AGAP1: variants seen among roughly 807,000 people sequenced by gnomAD.
AGAP1 encodes ArfGAP with GTPase domain, ankyrin repeat and PH domain 1, also known as arf-GAP with GTPase, ANK repeat and PH domain-containing protein 1.
AGAP1 carries 29 observed loss-of-function variants against 105.3 expected under a neutral mutation model. That is an observed-to-expected ratio of 0.28 (90% confidence interval 0.21 to 0.38). The LOEUF (loss-of-function observed/expected upper bound fraction) is 0.38, where lower values mean the gene tolerates loss of function less well. Ranked by LOEUF, AGAP1 falls within the 10% of genes least tolerant of loss-of-function variation. The probability of loss-of-function intolerance (pLI) is 1.00; values close to 1 mark genes in which losing one functional copy is unlikely to be tolerated. For missense variants in AGAP1, 998 were observed against 1,165.1 expected (o/e 0.86, Z 2.09); for synonymous variants, 509 against 485.9 (o/e 1.05, Z -0.63).
chr2:235,629,313 T>C (rs966870889), intron 1 of AGAP1, among the ~76,000 whole-genome samples: 4 of 138,994 alleles, frequency 2.9e-5, no homozygotes, highest in African/African-American at 1.1e-4. Context: ...TGTGTGTGTG[T>C]GTGTGTATGT....
intron 11 of AGAP1, among the ~76,000 whole-genome samples, chr2:235,925,229 G>C (rs982688259): frequency 3.3e-5 from 5 of 152,176 alleles, no homozygotes; most frequent in Admixed American, 2.0e-4. Flanking sequence ...GTCTACTCCA[G>C]GAAGGAGGGC....
intron 1 of AGAP1, among the ~76,000 whole-genome samples, chr2:235,498,564 A>G (rs1941423009): frequency 6.6e-6 from 1 of 152,180 alleles, no homozygotes; most frequent in South Asian, 2.1e-4. Context: ...GGTTGATGGC[A>G]TTGAGGTAGA....
In AGAP1 at chr2:235,964,994, C is replaced by T. The variant is rs1464069533; in HGVS notation, c.1484-3468C>T. On this transcript the variant is annotated intron_variant, in intron 12 of 17. Coordinates refer to ENST00000304032, the MANE Select transcript of AGAP1 (RefSeq NM_001037131.3). The surrounding 1 kb of genome is among the most constrained non-coding windows in gnomAD (Gnocchi z 4.6). ...TGTCTTATTTAAACCTGCCCGCTCC[C>T]ACCTCTGCAGTTCCACCACAACCAA... 6.6e-6 allele frequency among the ~76,000 whole-genome samples: 1 copy of T among 152,208 alleles called. No homozygotes were observed. Among genetic ancestry groups the T allele is most frequent in the Admixed American group, 6.5e-5 (1 of 15,284 alleles).
At chr2:236,115,546 G>A (rs1369034720) in intron 16 of AGAP1, among the ~76,000 whole-genome samples, 1 of 152,200 alleles carries the variant, frequency 6.6e-6, no homozygotes, top group Non-Finnish European at 1.5e-5. Context: ...CTGGATGGGA[G>A]CATCCACAGG....
rs144885787 is a variant in AGAP1 at position 235,529,578 on chromosome 2, C to T, written c.163+34729C>T. 1.2e-3 allele frequency among the ~76,000 whole-genome samples: 184 copies of T among 152,290 alleles called. 1 individual carries two copies. The highest frequency in any genetic ancestry group is 4.1e-3 in the African/African-American group (171 of 41,550). ...TTAATACAGAATGCTTGACAGCTCA[C>T]GCTCCCCACATCACAAAATCCAGGA... On this transcript the variant is annotated intron_variant, in intron 1 of 17. Coordinates refer to ENST00000304032, the MANE Select transcript of AGAP1 (RefSeq NM_001037131.3).
At chr2:235,540,538 T>C (rs1200785332) in intron 1 of AGAP1, among the ~76,000 whole-genome samples, 1 of 152,228 alleles carries the variant, frequency 6.6e-6, no homozygotes, top group Non-Finnish European at 1.5e-5. Context: ...TTATCAGAGA[T>C]GCAAAATAAA....
chr2:235,695,583 C>T (rs940779862), intron 1 of AGAP1, among the ~76,000 whole-genome samples: 20 of 152,168 alleles, frequency 1.3e-4, no homozygotes, highest in African/African-American at 3.1e-4. Context: ...TTTTCAAGAA[C>T]AGACAGCTTT....
rs1035580289 is a variant in AGAP1 at position 235,872,161 on chromosome 2, A to G, written c.1051-11184A>G. Among the ~76,000 whole-genome samples, 1 of 152,206 alleles carries G rather than the reference A, an allele frequency of 6.6e-6. No individual in the cohort carries two copies. Among genetic ancestry groups the G allele is most frequent in the South Asian group, 2.1e-4 (1 of 4,830 alleles). On this transcript the variant is annotated intron_variant, in intron 9 of 17. Coordinates refer to ENST00000304032, the MANE Select transcript of AGAP1 (RefSeq NM_001037131.3). The surrounding 1 kb of genome is among the most constrained non-coding windows in gnomAD (Gnocchi z 4.5). ...CCTGTCCATGAAATGAGGATAATCA[A>G]TGACCATCTGGTTGTCATGCACTTT...
intron 1 of AGAP1, among the ~76,000 whole-genome samples, chr2:235,505,071 A>G (rs769070186): frequency 2.6e-5 from 4 of 152,130 alleles, no homozygotes; most frequent in South Asian, 2.1e-4. Context: ...AGCAGCCTCA[A>G]TCCATCCCTG....
Position 235,610,507 on chromosome 2 carries a change from C to G in AGAP1, c.164-98672C>G, listed in dbSNP as rs905851584. 6.6e-6 allele frequency among the ~76,000 whole-genome samples: 1 copy of G among 152,164 alleles called. No homozygotes were observed. Among genetic ancestry groups the G allele is most frequent in the Non-Finnish European group, 1.5e-5 (1 of 68,024 alleles). ...ACGTGGTGCAGAGCATGCCAGCTCTCTGCTGTCTCTTTTTCTAAGGGTGCT... is the reference window on the plus strand; with the variant it reads ...ACGTGGTGCAGAGCATGCCAGCTCTGTGCTGTCTCTTTTTCTAAGGGTGCT... On this transcript the variant is annotated intron_variant, in intron 1 of 17. Coordinates refer to ENST00000304032, the MANE Select transcript of AGAP1 (RefSeq NM_001037131.3). This position sits in a 1 kb window ranked among gnomAD's most constrained non-coding sequence, Gnocchi z 4.9.
At chr2:235,703,339 T>G (rs1950350934) in intron 1 of AGAP1, among the ~76,000 whole-genome samples, 1 of 152,148 alleles carries the variant, frequency 6.6e-6, no homozygotes, top group South Asian at 2.1e-4. Flanking sequence ...AGGTAGCATG[T>G]GTGCCTGTCT....
rs1230285645 is a variant in AGAP1 at position 236,096,868 on chromosome 2, C to T, written c.2115-23324C>T. Among the ~76,000 whole-genome samples the T allele has an allele frequency of 3.3e-5, 5 of 152,150 alleles. No individual in the cohort carries two copies. Among genetic ancestry groups the T allele is most frequent in the Non-Finnish European group, 7.3e-5 (5 of 68,036 alleles). ...GTGCTGGGATTACAGGCGTGAGCCACCCTGCCGGGCCAAATGATGCACTTT... is the reference window on the plus strand; with the variant it reads ...GTGCTGGGATTACAGGCGTGAGCCATCCTGCCGGGCCAAATGATGCACTTT... On this transcript the variant is annotated intron_variant, in intron 16 of 17. Transcript: ENST00000304032. The surrounding 1 kb of genome is among the most constrained non-coding windows in gnomAD (Gnocchi z 4.4).
intron 1 of AGAP1, among the ~76,000 whole-genome samples, chr2:235,579,235 T>G (rs2149183933): frequency 6.6e-6 from 1 of 152,320 alleles, no homozygotes; most frequent in East Asian, 1.9e-4. Flanking sequence ...CCCAGCTGGC[T>G]TCTGCAGAGC....
chr2:235,869,420 TAAAAAAAA>T (rs35813316), intron 9 of AGAP1, among the ~76,000 whole-genome samples: 1,594 of 49,976 alleles, frequency 0.032, 55 homozygotes, highest in African/African-American at 0.095. Flanking sequence ...CCATCTCTAC[TAAAAAAAA>T]AAAAAAAAAA....
chr2:235,771,729 T>G (rs1955465017), intron 6 of AGAP1, among the ~76,000 whole-genome samples: 1 of 152,124 alleles, frequency 6.6e-6, no homozygotes, highest in South Asian at 2.1e-4. Context: ...CCTTCCTTCT[T>G]CCAACTCACT....
chr2:235,882,378 CGCTTCT>C lies in AGAP1; in HGVS notation c.1051-964_1051-959del, dbSNP rs946446547. 1.6e-4 allele frequency: 245 copies of C among 1,507,274 alleles called. No homozygotes were observed. Among genetic ancestry groups the C allele is most frequent in the Non-Finnish European group, 2.1e-4 (231 of 1,094,992 alleles). 93.4% of individuals were successfully genotyped at this position (1,507,274 alleles called of 1,614,324 possible). The stretch of plus-strand genomic sequence containing the variant: ...TCCGGGCTCTTAGGAAATTTCACTC[CGCTTCT>C]GCCCAGTGGTCTCTTTGGTCGGCAG... On this transcript the variant is annotated intron_variant, in intron 9 of 17. Coordinates refer to ENST00000304032, the MANE Select transcript of AGAP1 (RefSeq NM_001037131.3). This position sits in a 1 kb window ranked among gnomAD's most constrained non-coding sequence, Gnocchi z 4.6.
rs1433640724 is a variant in AGAP1, at chr2:235,764,208, G to A, written c.673+13720G>A. 7.9e-5 allele frequency among the ~76,000 whole-genome samples: 12 copies of A among 152,316 alleles called. No homozygotes were observed. The East Asian group carries it at 2.1e-3, about 27-fold the overall frequency. On this transcript the variant is annotated intron_variant, in intron 6 of 17. Coordinates refer to ENST00000304032, the MANE Select transcript of AGAP1 (RefSeq NM_001037131.3). ...CAAATATCTGAAGTACACTTCAAAG[G>A]AGGCAAAGAAAAAGCAAAACTGCCA...
intron 16 of AGAP1, among the ~76,000 whole-genome samples, chr2:236,054,480 TAAAA>T (rs10560456): frequency 1.8e-5 from 2 of 112,810 alleles, no homozygotes; most frequent in Non-Finnish European, 3.8e-5. Context: ...TTTTCTTTCT[TAAAA>T]AAAAAAAAAA....
In AGAP1 at chr2:235,501,777, C is replaced by T. The variant is rs139823132; in HGVS notation, c.163+6928C>T. On this transcript the variant is annotated intron_variant, in intron 1 of 17. Transcript: ENST00000304032. Reference sequence around the variant, plus strand: ...CACTCTAGCAAACCTGTGTCCCCCTCCCCGCCCCCATCCCAATCCTCCAGC... The same window carrying T: ...CACTCTAGCAAACCTGTGTCCCCCTTCCCGCCCCCATCCCAATCCTCCAGC... Among the ~76,000 whole-genome samples, 368 of 152,264 alleles carry T rather than the reference C, an allele frequency of 2.4e-3. 2 individuals carry two copies. Among genetic ancestry groups the T allele is most frequent in the African/African-American group, 8.4e-3 (347 of 41,556 alleles).
Sources: gnomAD v4.1 joint callset for allele counts (sites outside exome capture counted in the v4.1 genomes callset) on GRCh38, gnomAD v4.1.1 for gene constraint, Gnocchi (gnomAD v3.1) non-coding constraint, MANE v1.5 for transcripts, NCBI Gene and HGNC (gene_info 2026-07-23, HGNC 2026-07-21) for gene names.